MAF: variants seen among roughly 807,000 people sequenced by gnomAD.
MAF encodes transcription factor Maf.
MAF carries 10 observed loss-of-function variants against 22.0 expected under a neutral mutation model. That is an observed-to-expected ratio of 0.45 (90% CI 0.28 to 0.77). The LOEUF (loss-of-function observed/expected upper bound fraction) is 0.77. MAF is among the 30% of genes least tolerant of loss of function. MAF has a pLI of 0.12. For synonymous variants in MAF, 337 were observed against 255.8 expected (o/e 1.32, Z -3.03); for missense variants, 544 against 548.4 (o/e 0.99, Z 0.08).
At chr16:79,513,977 A>G in the MAF span, among the ~76,000 whole-genome samples, 5 of 152,084 alleles carry the variant, frequency 3.3e-5, no homozygotes, top group African/African-American at 1.2e-4. Context: ...TAAAAAGAAC[A>G]CCTTCCCCCC....
At chr16:79,484,428 G>A in the MAF span, among the ~76,000 whole-genome samples, 24 of 152,208 alleles carry the variant, frequency 1.6e-4, 1 homozygote, top group Non-Finnish European at 3.2e-4. Flanking sequence ...GACCTCAGAG[G>A]TGACTCAGCC....
chr16:79,522,383 C>G, the MAF span, among the ~76,000 whole-genome samples: 153 of 152,288 alleles, frequency 1.0e-3, no homozygotes, highest in African/African-American at 3.6e-3. Context: ...TGTACCTTCC[C>G]CACGCCCCAC....
the MAF span, among the ~76,000 whole-genome samples, chr16:79,245,288 G>C: frequency 0.15 from 22,176 of 151,882 alleles, 2,571 homozygotes; most frequent in African/African-American, 0.31. Flanking sequence ...GAAACCTACA[G>C]AATGGGAGAA....
At chr16:79,367,854 A>G in the MAF span, among the ~76,000 whole-genome samples, 1 of 152,222 alleles carries the variant, frequency 6.6e-6, no homozygotes, top group African/African-American at 2.4e-5. Context: ...CTGCTTCTGC[A>G]AGTCCTGTGC....
the MAF span, among the ~76,000 whole-genome samples, chr16:79,232,350 A>C: frequency 6.6e-6 from 1 of 152,120 alleles, no homozygotes; most frequent in African/African-American, 2.4e-5. Flanking sequence ...ACACTTTTGT[A>C]CTTTACAAAA....
At chr16:79,468,780 C>T in the MAF span, among the ~76,000 whole-genome samples, 2 of 152,122 alleles carry the variant, frequency 1.3e-5, no homozygotes, top group Non-Finnish European at 2.9e-5. Flanking sequence ...AGAAAAGAAA[C>T]CAGAGAAGCC....
chr16:79,458,984 T>C, the MAF span, among the ~76,000 whole-genome samples: 1 of 152,210 alleles, frequency 6.6e-6, no homozygotes, highest in Non-Finnish European at 1.5e-5. Flanking sequence ...TTCTTTTTTC[T>C]TTCCCAGATT....
the MAF span, among the ~76,000 whole-genome samples, chr16:79,498,737 T>A: frequency 1.3e-5 from 2 of 152,240 alleles, no homozygotes; most frequent in Admixed American, 1.3e-4. Context: ...GGAATCCTTG[T>A]ATATAACATA....
At chr16:79,271,716 G>A in the MAF span, among the ~76,000 whole-genome samples, 1 of 152,176 alleles carries the variant, frequency 6.6e-6, no homozygotes, top group Non-Finnish European at 1.5e-5. Context: ...ACATGATTTG[G>A]AGCATGTGAT....
the MAF span, among the ~76,000 whole-genome samples, chr16:79,370,367 G>A: frequency 6.6e-6 from 1 of 152,146 alleles, no homozygotes; most frequent in African/African-American, 2.4e-5. Context: ...CCAAAATCTG[G>A]AGCACTTAAT....
chr16:79,503,779 T>G, the MAF span, among the ~76,000 whole-genome samples: 3 of 152,234 alleles, frequency 2.0e-5, no homozygotes, highest in Non-Finnish European at 2.9e-5. Context: ...AATTGCTTGG[T>G]CCGTGTTTCT....
chr16:79,570,093 T>C, the MAF span, among the ~76,000 whole-genome samples: 62 of 151,448 alleles, frequency 4.1e-4, 1 homozygote, highest in East Asian at 0.011. Flanking sequence ...TTATTTAGAC[T>C]CTACACCAGC....
At chr16:79,598,320 G>C in intron 1 of MAF, 1 of 1,118,244 alleles carries the variant, frequency 8.9e-7, no homozygotes, top group Non-Finnish European at 1.1e-6. Context: ...ATGAACACCA[G>C]TTCATGAACT....
At chr16:79,517,356 A>G in the MAF span, among the ~76,000 whole-genome samples, 2 of 152,176 alleles carry the variant, frequency 1.3e-5, no homozygotes, top group Admixed American at 1.3e-4. Context: ...GCTTGCTCAC[A>G]CACTTTGTCA....
chr16:79,439,033 T>C, the MAF span, among the ~76,000 whole-genome samples: 1 of 152,056 alleles, frequency 6.6e-6, no homozygotes, highest in Non-Finnish European at 1.5e-5. Flanking sequence ...CCCTTCTATC[T>C]TAAAGATATT....
At chr16:79,490,387 C>T in the MAF span, among the ~76,000 whole-genome samples, 15 of 152,286 alleles carry the variant, frequency 9.8e-5, no homozygotes, top group South Asian at 3.1e-3. Context: ...GTGGGCTGGG[C>T]GAGCAGCCTG....
At chr16:79,464,271 C>A in the MAF span, among the ~76,000 whole-genome samples, 11 of 152,090 alleles carry the variant, frequency 7.2e-5, no homozygotes, top group African/African-American at 2.7e-4. Context: ...CAGGTAAATG[C>A]AAGCATGAAG....
the MAF span, among the ~76,000 whole-genome samples, chr16:79,393,152 T>C: frequency 2.0e-5 from 3 of 152,220 alleles, no homozygotes; most frequent in African/African-American, 7.2e-5. Flanking sequence ...TTCCTTTACA[T>C]TATTTTGATT....
At chr16:79,312,118 TTCA>T in the MAF span, among the ~76,000 whole-genome samples, 281 of 151,822 alleles carry the variant, frequency 1.9e-3, no homozygotes, top group African/African-American at 4.7e-3. Context: ...TTCTACCCCC[TTCA>T]TCATCATCAT....
Sources: gnomAD v4.1 joint callset for allele counts (sites outside exome capture counted in the v4.1 genomes callset) on GRCh38, gnomAD v4.1.1 for gene constraint, MANE v1.5 for transcripts, NCBI Gene and HGNC (gene_info 2026-07-23, HGNC 2026-07-21) for gene names.